The following PARVB variants were observed in gnomAD, a reference collection of about 807,000 sequenced individuals.
PARVB encodes the protein beta-parvin.
In PARVB, 46 loss-of-function variants were observed where a neutral mutation model predicts 47.0. The observed-to-expected ratio is 0.98, with a 90% confidence interval of 0.77 to 1.25. The LOEUF (loss-of-function observed/expected upper bound fraction) is 1.25. Among genes scored for constraint, PARVB ranks in the 50% most tolerant of loss-of-function variants. The probability of loss-of-function intolerance (pLI) is 0.00; values close to 1 mark genes in which losing one functional copy is unlikely to be tolerated. For missense variants in PARVB, 473 were observed against 471.6 expected, an observed-to-expected ratio of 1.00 and a Z score of -0.03; for synonymous variants, 196 against 196.3, an observed-to-expected ratio of 1.00 and a Z score of 0.01.
rs2054242837 is a variant in PARVB at position 44,169,403 on chromosome 22, T to G, written c.*725T>G. On this transcript the variant is annotated 3_prime_UTR_variant, in exon 13 of 13. Coordinates refer to ENST00000338758, the MANE Select transcript of PARVB (RefSeq NM_013327.5). ...GGGGACGTTTCTTAATTTCTTGCTG[T>G]GGTTGAGGGGCTGGGTCTGGAGATG... The G allele has an allele frequency of 6.7e-6, 1 of 150,162 alleles. No homozygotes were observed. 9.3% of individuals were successfully genotyped at this position (150,162 alleles called of 1,614,324 possible).
intron 1 of PARVB, among the ~76,000 whole-genome samples, chr22:44,054,112 C>T (rs1012552476): frequency 6.6e-6 from 1 of 152,150 alleles, no homozygotes; most frequent in Admixed American, 6.5e-5. Context: ...TGTGGGGGCC[C>T]CTCTCTGGAG....
intron 3 of PARVB, chr22:44,112,782 G>A (rs1486042041): frequency 1.5e-5 from 2 of 134,162 alleles, no homozygotes; most frequent in African/African-American, 7.1e-5. Flanking sequence ...ACTAAGTAAG[G>A]CCCTGCACCA....
chr22:44,119,685 G>A (rs1224428150), intron 4 of PARVB: 1 of 468,192 alleles, frequency 2.1e-6, no homozygotes, highest in African/African-American at 2.0e-5. Context: ...GATGAGTCCC[G>A]AGGGCTGGGT....
chr22:44,006,590 A>G (rs1004850407), intron 2 of PARVB, among the ~76,000 whole-genome samples: 2 of 152,242 alleles, frequency 1.3e-5, no homozygotes, highest in African/African-American at 4.8e-5. Context: ...GTGCCACTGC[A>G]CTACAGCCTG....
chr22:44,128,361 C>T (rs2053236863), intron 4 of PARVB, among the ~76,000 whole-genome samples: 1 of 152,228 alleles, frequency 6.6e-6, no homozygotes, highest in African/African-American at 2.4e-5. Flanking sequence ...TGGGAGAATC[C>T]TCCCCAGTTT....
intron 9 of PARVB, 44 bp from the exon 10 acceptor site, chr22:44,151,439 A>C: frequency 6.8e-7 from 1 of 1,468,586 alleles, no homozygotes; most frequent in Non-Finnish European, 9.5e-7. Context: ...TGGGACCTGC[A>C]TGCGGGCCAT....
At chr22:44,040,610 A>T (rs1399503222) in intron 1 of PARVB, among the ~76,000 whole-genome samples, 1 of 152,158 alleles carries the variant, frequency 6.6e-6, no homozygotes, top group Non-Finnish European at 1.5e-5. Context: ...AAGCCAGGAA[A>T]TTGATTTCCT....
At chr22:44,118,025 T>C (rs2052950552) in intron 3 of PARVB, among the ~76,000 whole-genome samples, 1 of 152,216 alleles carries the variant, frequency 6.6e-6, no homozygotes, top group South Asian at 2.1e-4. Context: ...GTGAACTGAA[T>C]GGAAAATCTC....
chr22:44,016,099 C>CTTTTTTTTTTTTTTT (rs562590606), intron 2 of PARVB, among the ~76,000 whole-genome samples: 1 of 129,194 alleles, frequency 7.7e-6, no homozygotes, highest in African/African-American at 3.0e-5. Flanking sequence ...TTCTTTCTTT[C>CTTTTTTTTTTTTTTT]TTTTTTTTTT....
At chr22:44,036,165 G>A (rs1464074182) in intron 1 of PARVB, among the ~76,000 whole-genome samples, 1 of 152,146 alleles carries the variant, frequency 6.6e-6, no homozygotes, top group Non-Finnish European at 1.5e-5. Flanking sequence ...GCTGAGGCAG[G>A]AGAATCACTT....
intron 4 of PARVB, among the ~76,000 whole-genome samples, chr22:44,130,661 A>T (rs2053287923): frequency 6.6e-6 from 1 of 152,054 alleles, no homozygotes; most frequent in Admixed American, 6.6e-5. Context: ...AGCTTTTAAG[A>T]CCTTTTTTAA....
chr22:44,099,939 A>G, intron 2 of PARVB, 114 bp from the exon 3 acceptor site: 1 of 819,676 alleles, frequency 1.2e-6, no homozygotes, highest in South Asian at 1.5e-5. Flanking sequence ...ACCCTCCCCT[A>G]GTGCTGGGTT....
At chr22:44,107,826 C>T (rs1425116516) in intron 3 of PARVB, 2 of 151,842 alleles carry the variant, frequency 1.3e-5, no homozygotes, top group Admixed American at 6.6e-5. Context: ...CCTCCCTCCC[C>T]GAAAACTCTG....
At chr22:44,099,095 G>A (rs1182438986) in intron 2 of PARVB, among the ~76,000 whole-genome samples, 1 of 152,148 alleles carries the variant, frequency 6.6e-6, no homozygotes, top group Non-Finnish European at 1.5e-5. Flanking sequence ...ATGTCCTGGG[G>A]GTAACTGGCT....
intron 1 of PARVB, among the ~76,000 whole-genome samples, chr22:44,070,613 AGGTGGAAGGAG>A (rs2146977933): frequency 6.6e-6 from 1 of 152,264 alleles, no homozygotes; most frequent in South Asian, 2.1e-4. Context: ...GAGAAACCAG[AGGTGGAAGGAG>A]GGGCATAATG....
chr22:44,017,129 C>A (rs2146862120), intron 2 of PARVB, among the ~76,000 whole-genome samples: 1 of 152,284 alleles, frequency 6.6e-6, no homozygotes, highest in South Asian at 2.1e-4. Flanking sequence ...CCTGCCTCAG[C>A]CTCCCAAAGT....
intron 2 of PARVB, among the ~76,000 whole-genome samples, chr22:44,007,352 GCATCAGGCTCTGCACTCCC>G (rs1338588075): frequency 1.3e-5 from 2 of 152,164 alleles, no homozygotes; most frequent in South Asian, 4.1e-4. Flanking sequence ...CATGGGGCCT[GCATCAGGCTCTGCACTCCC>G]ACGCTGGAGG....
chr22:44,017,889 G>C (rs1037996980), intron 2 of PARVB, among the ~76,000 whole-genome samples: 1 of 152,038 alleles, frequency 6.6e-6, no homozygotes, highest in East Asian at 1.9e-4. Context: ...TGTCAGGGGG[G>C]CCTTCCAAAG....
intron 1 of PARVB, among the ~76,000 whole-genome samples, chr22:44,084,048 C>T (rs73888852): frequency 0.056 from 8,517 of 152,232 alleles, 819 homozygotes; most frequent in African/African-American, 0.19. Flanking sequence ...TCCCCTTCCC[C>T]GAGCTCTTTC....
Sources: gnomAD v4.1 joint callset for allele counts (sites outside exome capture counted in the v4.1 genomes callset) on GRCh38, gnomAD v4.1.1 for gene constraint, MANE v1.5 for transcripts, NCBI Gene and HGNC (gene_info 2026-07-23, HGNC 2026-07-21) for gene names.